Variants in CD163L1 observed in about 807,000 individuals in gnomAD.
The protein encoded by CD163L1 is CD163 molecule like 1, also known as scavenger receptor cysteine-rich type 1 protein M160.
CD163L1 carries 124 observed loss-of-function variants against 165.4 expected under a neutral mutation model. That is an observed-to-expected ratio of 0.75 (90% CI 0.65 to 0.87). The LOEUF (loss-of-function observed/expected upper bound fraction) is 0.87. Among genes scored for constraint, CD163L1 ranks in the 40% least tolerant of loss-of-function variants. CD163L1 has a pLI of 0.00. For synonymous variants in CD163L1, 585 were observed against 662.2 expected (o/e 0.88, Z 1.79); for missense variants, 1,525 against 1,799.9 (o/e 0.85, Z 2.76).
intron 5 of CD163L1, among the ~76,000 whole-genome samples, chr12:7,406,279 A>G (rs914411590): frequency 1.3e-5 from 2 of 152,158 alleles, no homozygotes; most frequent in Non-Finnish European, 2.9e-5. Context: ...CACCAATTAG[A>G]ATTAAGTAAA....
intron 4 of CD163L1, among the ~76,000 whole-genome samples, chr12:7,349,650 G>A (rs1041282308): frequency 1.2e-4 from 19 of 152,234 alleles, no homozygotes; most frequent in African/African-American, 4.3e-4. Context: ...TGGAGCGAGC[G>A]GGCAGATACA....
At chr12:7,366,948 T>C (rs1947033660) in intron 18 of CD163L1, among the ~76,000 whole-genome samples, 1 of 152,156 alleles carries the variant, frequency 6.6e-6, no homozygotes. Flanking sequence ...ACCAGGTATT[T>C]GACTGATTAT....
chr12:7,440,044 C>T, intron 2 of CD163L1: 1 of 1,260,640 alleles, frequency 7.9e-7, no homozygotes, highest in Non-Finnish European at 1.1e-6. Context: ...ACCCCAGCAG[C>T]TCCTCGCGTT....
Position 7,368,808 on chromosome 12 carries a change from G to T in CD163L1, c.4072+125C>A. ...CAGAGCTATTGATACCACTGGCTGC[G>T]ACCCACAGACTCATATTTCTGCAGT... is the stretch of plus-strand genomic sequence containing the variant. On this transcript the variant is annotated intron_variant, in intron 16 of 19. Coordinates refer to ENST00000313599, the MANE Select transcript of CD163L1 (RefSeq NM_174941.6). This position sits in a 1 kb window ranked among gnomAD's most constrained non-coding sequence, Gnocchi z 4.3. 1.9e-6 allele frequency: 2 copies of T among 1,041,518 alleles called. No homozygotes were observed. The highest frequency in any genetic ancestry group is 3.0e-6 in the Non-Finnish European group (2 of 675,854). 64.5% of individuals were successfully genotyped at this position (1,041,518 alleles called of 1,614,324 possible).
chr12:7,373,341 C>G lies in CD163L1; in HGVS notation c.3709G>C (p.Glu1237Gln). The G allele has an allele frequency of 6.2e-7, 1 of 1,612,858 alleles. No homozygotes were observed. Among genetic ancestry groups the G allele is most frequent in the Non-Finnish European group, 8.5e-7 (1 of 1,179,162 alleles). ...CCACCTTCACATGTGATCCAGGTCT[C>G]TTCTGCTGGGCTGGAGATTCTTCGC... ...WERRISSPAE[E>Q]TWITCEDRIR... Residue 1237 changes from glutamate to glutamine, a missense_variant, in exon 14 of 20, where the codon GAG (glutamate) becomes CAG (glutamine). Glu to Gln is a conservative substitution (Grantham distance 29). Coordinates refer to ENST00000313599, the MANE Select transcript of CD163L1 (RefSeq NM_174941.6).
chr12:7,428,576 T>C (rs1438898887), intron 4 of CD163L1, among the ~76,000 whole-genome samples: 1 of 152,080 alleles, frequency 6.6e-6, no homozygotes, highest in African/African-American at 2.4e-5. Flanking sequence ...TGATATGATT[T>C]ACCAGCTTCT....
chr12:7,320,954 G>T, the CD163L1 span: 7 of 727,698 alleles, frequency 9.6e-6, no homozygotes, highest in Middle Eastern at 2.4e-4. Context: ...TCGGAGGACG[G>T]TCGTATGCAT....
rs777138769 is a variant in CD163L1, at chr12:7,432,420, A to G, written c.762T>C (p.Cys254=). The G allele has an allele frequency of 6.2e-7, 1 of 1,609,394 alleles. No individual in the cohort carries two copies. Among genetic ancestry groups the G allele is most frequent in the Non-Finnish European group, 8.5e-7 (1 of 1,176,642 alleles). Residue 254 remains cysteine (C), a synonymous_variant, in exon 4 of 20, where the codon TGT becomes TGC. Transcript: ENST00000313599. This position sits in a 1 kb window ranked among gnomAD's most constrained non-coding sequence, Gnocchi z 4.2. ...CATGATGTCTTGGGTTCTTACCATA[A>G]CAAGTTAATGTGACATCCTCATTGT... The part of the protein sequence containing the change: ...CSHNEDVTLT[C]YDSSDLELRL...
chr12:7,422,277 C>A (rs2136599240), intron 4 of CD163L1, among the ~76,000 whole-genome samples: 1 of 152,236 alleles, frequency 6.6e-6, no homozygotes, highest in African/African-American at 2.4e-5. Context: ...ACAGAAACCC[C>A]ATGCAAAGGT....
At chr12:7,428,373 C>CCGTTGT (rs1238201746) in intron 4 of CD163L1, among the ~76,000 whole-genome samples, 2 of 151,922 alleles carry the variant, frequency 1.3e-5, no homozygotes, top group East Asian at 3.9e-4. Flanking sequence ...ATCGTTTGCC[C>CCGTTGT]AGTAGATTAC....
At chr12:7,327,654 A>C in the CD163L1 span, among the ~76,000 whole-genome samples, 1 of 152,168 alleles carries the variant, frequency 6.6e-6, no homozygotes, top group Non-Finnish European at 1.5e-5. Flanking sequence ...GATCCTCTGC[A>C]TGAGATTTCT....
At chr12:7,363,576 G>C (rs957772423) in intron 18 of CD163L1, among the ~76,000 whole-genome samples, 7 of 151,742 alleles carry the variant, frequency 4.6e-5, no homozygotes, top group African/African-American at 1.7e-4. Flanking sequence ...AATAAAATCA[G>C]AAATGAAAAG....
At chr12:7,362,444 ATG>A (rs995777894) in intron 18 of CD163L1, among the ~76,000 whole-genome samples, 6 of 138,254 alleles carry the variant, frequency 4.3e-5, no homozygotes, top group African/African-American at 1.3e-4. Flanking sequence ...ATATATAATT[ATG>A]TGTTATTACA....
chr12:7,380,375 A>G (rs1245732218), intron 8 of CD163L1, among the ~76,000 whole-genome samples: 2 of 140,300 alleles, frequency 1.4e-5, no homozygotes, highest in African/African-American at 2.8e-5. Flanking sequence ...GTATACATAC[A>G]TGTATGTGTG....
At chr12:7,355,833 G>A (rs1240370829) in intron 19 of CD163L1, among the ~76,000 whole-genome samples, 1 of 152,116 alleles carries the variant, frequency 6.6e-6, no homozygotes, top group Non-Finnish European at 1.5e-5. Context: ...GCCTGCAAGG[G>A]AAGGAAGGAG....
At chr12:7,336,757 G>C in the CD163L1 span, among the ~76,000 whole-genome samples, 9,314 of 151,792 alleles carry the variant, frequency 0.061, 383 homozygotes, top group East Asian at 0.17. Flanking sequence ...GCCATACCTT[G>C]TAAAGTAATG....
intron 19 of CD163L1, among the ~76,000 whole-genome samples, chr12:7,355,865 C>T (rs749154813): frequency 7.2e-5 from 11 of 152,082 alleles, no homozygotes; most frequent in Non-Finnish European, 2.9e-5. Context: ...AATCAAACCT[C>T]CCAATATCTT....
chr12:7,440,923 G>A (rs757189911), intron 2 of CD163L1, among the ~76,000 whole-genome samples: 6 of 152,134 alleles, frequency 3.9e-5, no homozygotes, highest in South Asian at 2.1e-4. Context: ...CACTGTGCCC[G>A]GCCGGATTTG....
chr12:7,363,015 G>T lies in CD163L1; in HGVS notation c.4279+4221C>A, dbSNP rs752268874. Among the ~76,000 whole-genome samples, 10 of 151,476 alleles carry T rather than the reference G, an allele frequency of 6.6e-5. No individual in the cohort carries two copies. The South Asian group carries it at 2.1e-3, about 32-fold the overall frequency. ...AAAACACAACATACTGAAATATATG[G>T]GATACAGCAAAAAACAAAAATATAC... On this transcript the variant is annotated intron_variant, in intron 18 of 19. Transcript: ENST00000313599.
Sources: gnomAD v4.1 joint callset for allele counts (sites outside exome capture counted in the v4.1 genomes callset) on GRCh38, gnomAD v4.1.1 for gene constraint, Gnocchi (gnomAD v3.1) non-coding constraint, MANE v1.5 for transcripts, NCBI Gene and HGNC (gene_info 2026-07-23, HGNC 2026-07-21) for gene names.